MYL12A: variants seen among roughly 807,000 people sequenced by gnomAD.
MYL12A encodes myosin light chain 12A, also known as myosin regulatory light chain 12A.
A neutral mutation model predicts 13.3 loss-of-function variants in MYL12A; 11 were observed. That is an observed-to-expected ratio of 0.83 (90% CI 0.52 to 1.37). The LOEUF (loss-of-function observed/expected upper bound fraction) is 1.37. Among genes scored for constraint, MYL12A ranks in the 40% most tolerant of loss-of-function variants. The pLI is 0.00. For missense variants in MYL12A, 146 were observed against 212.3 expected (o/e 0.69, Z 1.94); for synonymous variants, 51 against 69.9 (o/e 0.73, Z 1.35).
At chr18:3,255,499 C>T in intron 3 of MYL12A, 1 of 387,424 alleles carries the variant, frequency 2.6e-6, no homozygotes, top group Non-Finnish European at 4.5e-6. Context: ...ATCAAGAGAT[C>T]AGAAGCTGAA....
intron 3 of MYL12A, 174 bp from the exon 4 acceptor site, chr18:3,255,572 T>C: frequency 1.3e-6 from 1 of 746,650 alleles, no homozygotes; most frequent in Non-Finnish European, 2.0e-6. Flanking sequence ...AGCTAGGCAT[T>C]TTTCTAGGCA....
chr18:3,255,709 T>A, intron 3 of MYL12A, 37 bp from the exon 4 acceptor site: 1 of 1,587,016 alleles, frequency 6.3e-7, no homozygotes, highest in African/African-American at 1.4e-5. Context: ...ACCCTCAGAA[T>A]AGTATGTATT....
chr18:3,255,700 C>T (rs2081529964), intron 3 of MYL12A, 46 bp from the exon 4 acceptor site: 11 of 1,558,142 alleles, frequency 7.1e-6, no homozygotes, highest in Non-Finnish European at 9.5e-6. Context: ...TTGTAATTAA[C>T]CCTCAGAATA....
chr18:3,249,428 C>T (rs2081462370), intron 1 of MYL12A: 1 of 152,122 alleles, frequency 6.6e-6, no homozygotes, highest in Non-Finnish European at 1.5e-5. Flanking sequence ...CTCACCTCGC[C>T]TGACTTAAAA....
intron 2 of MYL12A, 55 bp downstream of exon 2, chr18:3,253,483 A>G: frequency 6.3e-7 from 1 of 1,578,014 alleles, no homozygotes; most frequent in East Asian, 2.2e-5. Flanking sequence ...GGTGCCTTTC[A>G]TCTTGATTTC....
intron 1 of MYL12A, among the ~76,000 whole-genome samples, chr18:3,251,204 A>C (rs2081482152): frequency 6.6e-6 from 1 of 152,168 alleles, no homozygotes; most frequent in South Asian, 2.1e-4. Flanking sequence ...CAATTCAAAA[A>C]AGTGCGTGAT....
chr18:3,250,408 C>T (rs1431466566), intron 1 of MYL12A, among the ~76,000 whole-genome samples: 1 of 152,130 alleles, frequency 6.6e-6, no homozygotes, highest in African/African-American at 2.4e-5. Context: ...ATGATCTGCT[C>T]CTTGAGATCA....
intron 1 of MYL12A, among the ~76,000 whole-genome samples, chr18:3,250,237 T>A (rs540275395): frequency 6.6e-6 from 1 of 152,234 alleles, no homozygotes; most frequent in Non-Finnish European, 1.5e-5. Flanking sequence ...CAATTTCAAC[T>A]TTTTTAGATT....
chr18:3,252,405 T>A (rs2081495327), intron 1 of MYL12A: 6 of 1,439,484 alleles, frequency 4.2e-6, no homozygotes, highest in Non-Finnish European at 4.6e-6. Context: ...GATTGAGTAT[T>A]GAAAATTGCC....
intron 1 of MYL12A, chr18:3,248,443 A>AATG (rs1318228429): frequency 6.6e-6 from 1 of 152,178 alleles, no homozygotes; most frequent in Admixed American, 6.5e-5. Flanking sequence ...AAAACTCCAA[A>AATG]ATGTAATACC....
At position 3,253,245 on chromosome 18, in the gene MYL12A, A is replaced by G. The variant is rs11539723; in HGVS notation, c.-3A>G. 8.7e-6 allele frequency: 14 copies of G among 1,612,786 alleles called. No individual in the cohort carries two copies. Among genetic ancestry groups the G allele is most frequent in the Non-Finnish European group, 1.2e-5 (14 of 1,179,100 alleles). ...CTTTCCTAATTAGGACTTAACCACC[A>G]CCATGTCGAGCAAAAGAACAAAGAC... On this transcript the variant is annotated 5_prime_UTR_variant, in exon 2 of 4. Coordinates refer to ENST00000217652, the MANE Select transcript of MYL12A (RefSeq NM_006471.4).
At chr18:3,252,317 T>G (rs749848734) in intron 1 of MYL12A, 1 of 1,533,496 alleles carries the variant, frequency 6.5e-7, no homozygotes, top group South Asian at 1.2e-5. Context: ...CCTGCAACTC[T>G]GAAGGATGGT....
At chr18:3,251,551 C>T (rs1165542304) in intron 1 of MYL12A, among the ~76,000 whole-genome samples, 1 of 152,140 alleles carries the variant, frequency 6.6e-6, no homozygotes, top group Non-Finnish European at 1.5e-5. Context: ...ACCTCTTGCT[C>T]CAAGTCCTTG....
intron 1 of MYL12A, among the ~76,000 whole-genome samples, chr18:3,249,065 T>G (rs1169209357): frequency 6.6e-6 from 1 of 152,218 alleles, no homozygotes; most frequent in Non-Finnish European, 1.5e-5. Flanking sequence ...GTGATATTTC[T>G]CAGAATATTA....
chr18:3,250,585 C>G (rs2081475049), intron 1 of MYL12A, among the ~76,000 whole-genome samples: 1 of 152,224 alleles, frequency 6.6e-6, no homozygotes, highest in African/African-American at 2.4e-5. Flanking sequence ...AGATCAGAAT[C>G]CAGCCTCCTT....
At chr18:3,253,779 A>G in intron 2 of MYL12A, 110 bp from the exon 3 acceptor site, 1 of 1,236,938 alleles carries the variant, frequency 8.1e-7, no homozygotes, top group Admixed American at 2.7e-5. Context: ...TCATGAGTGC[A>G]AACAGTAAAC....
At chr18:3,255,678 TATAG>T in intron 3 of MYL12A, 64 bp from the exon 4 acceptor site, 1 of 1,521,558 alleles carries the variant, frequency 6.6e-7, no homozygotes, top group African/African-American at 1.4e-5. Context: ...CTTAGTCAAG[TATAG>T]ATATTCTTTG....
chr18:3,251,772 C>G (rs1322236633), intron 1 of MYL12A, among the ~76,000 whole-genome samples: 1 of 152,104 alleles, frequency 6.6e-6, no homozygotes, highest in Non-Finnish European at 1.5e-5. Context: ...TTAAAGAATT[C>G]TAGGAAATTT....
intron 1 of MYL12A, among the ~76,000 whole-genome samples, chr18:3,252,858 C>G (rs2081499596): frequency 6.6e-6 from 1 of 152,124 alleles, no homozygotes; most frequent in South Asian, 2.1e-4. Flanking sequence ...CCTTTCTGTC[C>G]ACCGTACTAT....
Sources: gnomAD v4.1 joint callset for allele counts (sites outside exome capture counted in the v4.1 genomes callset) on GRCh38, gnomAD v4.1.1 for gene constraint, MANE v1.5 for transcripts, NCBI Gene and HGNC (gene_info 2026-07-23, HGNC 2026-07-21) for gene names.